Variants in SERTAD4 observed in about 807,000 individuals in gnomAD.
SERTAD4 encodes SERTA domain containing 4, also known as SERTA domain-containing protein 4.
In SERTAD4, 18 loss-of-function variants were observed where a neutral mutation model predicts 32.9. The ratio of observed to expected loss-of-function variants is 0.55; its 90% CI spans 0.38 to 0.81. The LOEUF is 0.81. SERTAD4 is among the 30% of genes least tolerant of loss of function. The probability of loss-of-function intolerance (pLI) is 0.00; values close to 1 mark genes in which losing one functional copy is unlikely to be tolerated. For synonymous variants in SERTAD4, 150 were observed against 156.4 expected (o/e 0.96, Z 0.30); for missense variants, 383 against 426.0 (o/e 0.90, Z 0.89).
rs1159047828 is a variant in SERTAD4 at position 210,241,755 on chromosome 1, G to A, written c.489G>A (p.Glu163=). The A allele has an allele frequency of 3.1e-6, 5 of 1,614,120 alleles. No homozygotes were observed. Among genetic ancestry groups the A allele is most frequent in the South Asian group, 2.2e-5 (2 of 91,068 alleles). ...CTTTCAATGGCACCTCTGCCCAAGA[G>A]TGGTTTATGGCTCAAGACTGCCCTT... is the stretch of plus-strand genomic sequence containing the variant. The part of the protein sequence containing the change: ...ACSFNGTSAQ[E]WFMAQDCPYR... Residue 163 remains glutamate (E), a synonymous_variant, in exon 4 of 4, where the codon GAG becomes GAA. Coordinates refer to ENST00000367012, the MANE Select transcript of SERTAD4 (RefSeq NM_019605.5).
intron 1 of SERTAD4, chr1:210,233,763 T>C (rs1350711551): frequency 4.2e-6 from 2 of 470,848 alleles, no homozygotes; most frequent in African/African-American, 4.0e-5. Context: ...AAGCAGGGAA[T>C]AGGCGTCCTC....
chr1:210,245,961 G>A lies in SERTAD4; in HGVS notation c.*3624G>A, dbSNP rs2084045281. Reference sequence around the variant, plus strand: ...GAGACTTTTTTGGAAATAATTAGTTGTGAAATTCCATTTTTCTGACAGCCC... The same window carrying A: ...GAGACTTTTTTGGAAATAATTAGTTATGAAATTCCATTTTTCTGACAGCCC... On this transcript the variant is annotated 3_prime_UTR_variant, in exon 4 of 4. Transcript: ENST00000367012. 5 of 982,394 alleles carry A rather than the reference G, an allele frequency of 5.1e-6. No homozygotes were observed. In the South Asian group the frequency reaches 1.9e-4, roughly 37 times the overall value. The allele number at this position is 982,394 out of a possible 1,614,324, so 60.9% of individuals were successfully genotyped here.
In SERTAD4 at chr1:210,243,061, T is replaced by A. The variant is rs965639093; in HGVS notation, c.*724T>A. ...TGCCAATGTGAAAATTAAGGATAAA[T>A]CAGAGTTACAGCAGGGATTTAACAA... On this transcript the variant is annotated 3_prime_UTR_variant, in exon 4 of 4. Transcript: ENST00000367012. 55 of 736,350 alleles carry A rather than the reference T, an allele frequency of 7.5e-5. No individual in the cohort carries two copies. In the African/African-American group the frequency reaches 1.4e-3, roughly 18 times the overall value. The allele number at this position is 736,350 out of a possible 1,614,324, so 45.6% of individuals were successfully genotyped here.
Position 210,241,869 on chromosome 1 carries a change from T to C in SERTAD4, c.603T>C (p.Asn201=). The C allele has an allele frequency of 6.2e-7, 1 of 1,614,172 alleles. No individual in the cohort carries two copies. Among genetic ancestry groups the C allele is most frequent in the South Asian group, 1.1e-5 (1 of 91,078 alleles). ...FYQECGGHYL[N]LPLSVNANVG... ...AAGAATGTGGTGGCCACTACCTAAATTTACCCCTTTCTGTCAATGCTAATG... is the reference window on the plus strand; with the variant it reads ...AAGAATGTGGTGGCCACTACCTAAACTTACCCCTTTCTGTCAATGCTAATG... Residue 201 remains asparagine, a synonymous_variant, in exon 4 of 4, where the codon AAT becomes AAC. Coordinates refer to ENST00000367012, the MANE Select transcript of SERTAD4 (RefSeq NM_019605.5).
chr1:210,234,207 T>C (rs866044448), intron 1 of SERTAD4, among the ~76,000 whole-genome samples: 10 of 151,818 alleles, frequency 6.6e-5, no homozygotes, highest in Non-Finnish European at 1.2e-4. Context: ...GGGGTGTGTC[T>C]GTGCGGGAGC....
In SERTAD4 at chr1:210,243,206, T is replaced by A. The variant is rs1385184124; in HGVS notation, c.*869T>A. On this transcript the variant is annotated 3_prime_UTR_variant, in exon 4 of 4. Transcript: ENST00000367012. ...CGACATCTCTATTCTTTATTTTTGA[T>A]GCCCAATTGCTTTTGGATTCGCCGT... 1 of 890,024 alleles carries A rather than the reference T, an allele frequency of 1.1e-6. No homozygotes were observed. The highest frequency in any genetic ancestry group is 1.2e-4 in the East Asian group (1 of 8,252). 55.1% of individuals were successfully genotyped at this position (890,024 alleles called of 1,614,324 possible).
In SERTAD4 at chr1:210,243,690, C is replaced by T. The variant is rs1430551894; in HGVS notation, c.*1353C>T. On this transcript the variant is annotated 3_prime_UTR_variant, in exon 4 of 4. Transcript: ENST00000367012. The stretch of plus-strand genomic sequence containing the variant: ...AGTGGCCCTCCTACCATCCTTCCTT[C>T]CACTCCAGCCAACTCTTCCTGCTAA... The T allele has an allele frequency of 2.0e-5, 3 of 152,292 alleles. No individual in the cohort carries two copies. Among genetic ancestry groups the T allele is most frequent in the South Asian group, 4.1e-4 (2 of 4,824 alleles). 9.4% of individuals were successfully genotyped at this position (152,292 alleles called of 1,614,324 possible).
intron 1 of SERTAD4, among the ~76,000 whole-genome samples, chr1:210,235,806 T>C (rs1340500395): frequency 2.0e-5 from 3 of 152,240 alleles, no homozygotes; most frequent in African/African-American, 4.8e-5. Context: ...TGTTTTTCTT[T>C]CTTAAGGGGC....
At chr1:210,239,060 G>A (rs961452781) in intron 2 of SERTAD4, among the ~76,000 whole-genome samples, 1 of 152,062 alleles carries the variant, frequency 6.6e-6, no homozygotes, top group Non-Finnish European at 1.5e-5. Context: ...CTAACCTAAA[G>A]CCAATAAGAT....
chr1:210,242,533 G>A lies in SERTAD4; in HGVS notation c.*196G>A. On this transcript the variant is annotated 3_prime_UTR_variant, in exon 4 of 4. Transcript: ENST00000367012. This position sits in a 1 kb window ranked among gnomAD's most constrained non-coding sequence, Gnocchi z 4.0. ...CATCAGCGAGCTTCTTATAAATGTG[G>A]TGATTTTTACCAAGGAAACGATTGA... is the stretch of plus-strand genomic sequence containing the variant. The A allele has an allele frequency of 7.6e-7, 1 of 1,322,438 alleles. No individual in the cohort carries two copies. The highest frequency in any genetic ancestry group is 9.6e-7 in the Non-Finnish European group (1 of 1,043,442). The allele number at this position is 1,322,438 out of a possible 1,614,324, so 81.9% of individuals were successfully genotyped here. A position where few individuals can be genotyped will look rare whatever the true frequency, so the allele number is the denominator to read the frequency against.
rs57426441 is a variant in SERTAD4 at position 210,243,093 on chromosome 1, C to CAAAAA, written c.*774_*778dup. On this transcript the variant is annotated 3_prime_UTR_variant, in exon 4 of 4. Coordinates refer to ENST00000367012, the MANE Select transcript of SERTAD4 (RefSeq NM_019605.5). ...TACAGCAGGGATTTAACAAACAGGA[C>CAAAAA]AAAAAAAAAAAAAAAAAAAAAACCA... 1,862 of 478,642 alleles carry CAAAAA rather than the reference C, an allele frequency of 3.9e-3. 1 individual carries two copies. The highest frequency in any genetic ancestry group is 4.3e-3 in the Middle Eastern group (4 of 938). The allele number at this position is 478,642 out of a possible 1,614,324, so 29.6% of individuals were successfully genotyped here. A position where few individuals can be genotyped will look rare whatever the true frequency, so the allele number is the denominator to read the frequency against.
At position 210,243,027 on chromosome 1, in the gene SERTAD4, C is replaced by T; in HGVS notation, c.*690C>T. On this transcript the variant is annotated 3_prime_UTR_variant, in exon 4 of 4. Transcript: ENST00000367012. ...GCGATTTTTGGTGCCTTACTTTTAT[C>T]TTAATTTTTGCCAATGTGAAAATTA... 1.0e-6 allele frequency: 1 copy of T among 958,014 alleles called. No individual in the cohort carries two copies. The highest frequency in any genetic ancestry group is 1.2e-6 in the Non-Finnish European group (1 of 824,514). The allele number at this position is 958,014 out of a possible 1,614,324, so 59.3% of individuals were successfully genotyped here. A position where few individuals can be genotyped will look rare whatever the true frequency, so the allele number is the denominator to read the frequency against.
rs2084043523 is a variant in SERTAD4, at chr1:210,245,810, G to A, written c.*3473G>A. On this transcript the variant is annotated 3_prime_UTR_variant, in exon 4 of 4. Coordinates refer to ENST00000367012, the MANE Select transcript of SERTAD4 (RefSeq NM_019605.5). Reference sequence around the variant, plus strand: ...CTTTCTGTGTATCAGGAGCAGAGCAGAGGACAACTTGTAGAAGACATGACC... The same window carrying A: ...CTTTCTGTGTATCAGGAGCAGAGCAAAGGACAACTTGTAGAAGACATGACC... The A allele has an allele frequency of 1.0e-6, 1 of 985,254 alleles. No individual in the cohort carries two copies. The highest frequency in any genetic ancestry group is 1.7e-5 in the African/African-American group (1 of 57,222). The allele number at this position is 985,254 out of a possible 1,614,324, so 61.0% of individuals were successfully genotyped here.
At position 210,243,229 on chromosome 1, in the gene SERTAD4, C is replaced by G; in HGVS notation, c.*892C>G. On this transcript the variant is annotated 3_prime_UTR_variant, in exon 4 of 4. Coordinates refer to ENST00000367012, the MANE Select transcript of SERTAD4 (RefSeq NM_019605.5). ...GATGCCCAATTGCTTTTGGATTCGC[C>G]GTTTTTTCAATAGGGATGGAGGAAA... 2.7e-6 allele frequency: 2 copies of G among 746,680 alleles called. No individual in the cohort carries two copies. Among genetic ancestry groups the G allele is most frequent in the Non-Finnish European group, 3.3e-6 (2 of 613,582 alleles). The allele number at this position is 746,680 out of a possible 1,614,324, so 46.3% of individuals were successfully genotyped here.
Position 210,242,214 on chromosome 1 carries a change from T to G in SERTAD4, c.948T>G (p.Asp316Glu). The change falls in exon 4 of 4, where the codon GAT (aspartate) becomes GAG (glutamate). Residue 316 changes from aspartate (D) to glutamate (E), a missense_variant. Physicochemically the swap from Asp to Glu is conservative, Grantham distance 45. This residue lies in a region of SERTAD4 where 180 missense variants were observed against 190.6 expected (regional missense o/e 0.94). Transcript: ENST00000367012. The surrounding 1 kb of genome is among the most constrained non-coding windows in gnomAD (Gnocchi z 4.0). ...LAFECKGQFY[D>E]YFETGYNERN... The stretch of plus-strand genomic sequence containing the variant: ...TTGAGTGCAAAGGCCAATTTTATGA[T>G]TATTTTGAGACCGGATATAATGAAA... The G allele has an allele frequency of 2.5e-6, 4 of 1,614,136 alleles. No individual in the cohort carries two copies. The highest frequency in any genetic ancestry group is 3.4e-6 in the Non-Finnish European group (4 of 1,180,034).
At chr1:210,233,390 G>A (rs1216961737) in intron 1 of SERTAD4, among the ~76,000 whole-genome samples, 2 of 152,158 alleles carry the variant, frequency 1.3e-5, no homozygotes, top group Non-Finnish European at 2.9e-5. Context: ...GGTCCTCCGT[G>A]GCCGCTTAGT....
chr1:210,238,591 G>C (rs1188629731), intron 2 of SERTAD4, among the ~76,000 whole-genome samples: 1 of 152,272 alleles, frequency 6.6e-6, no homozygotes, highest in East Asian at 1.9e-4. Flanking sequence ...TATGCCCAGT[G>C]TTCCATTATT....
rs2084009670 is a variant in SERTAD4, at chr1:210,242,551, A to G, written c.*214A>G. The G allele has an allele frequency of 7.6e-7, 1 of 1,314,876 alleles. No individual in the cohort carries two copies. The highest frequency in any genetic ancestry group is 9.6e-7 in the Non-Finnish European group (1 of 1,039,068). 81.5% of individuals were successfully genotyped at this position (1,314,876 alleles called of 1,614,324 possible). A position where few individuals can be genotyped will look rare whatever the true frequency, so the allele number is the denominator to read the frequency against. On this transcript the variant is annotated 3_prime_UTR_variant, in exon 4 of 4. Coordinates refer to ENST00000367012, the MANE Select transcript of SERTAD4 (RefSeq NM_019605.5). The surrounding 1 kb of genome is among the most constrained non-coding windows in gnomAD (Gnocchi z 4.0). ...AAATGTGGTGATTTTTACCAAGGAA[A>G]CGATTGACTTAATGCTTAAAAGTAT...
chr1:210,240,051 G>A (rs2083979846), intron 3 of SERTAD4, among the ~76,000 whole-genome samples: 1 of 152,080 alleles, frequency 6.6e-6, no homozygotes, highest in Non-Finnish European at 1.5e-5. Flanking sequence ...CTTATGGGTA[G>A]ACTCATCATC....
Sources: gnomAD v4.1 joint callset for allele counts (sites outside exome capture counted in the v4.1 genomes callset) on GRCh38, gnomAD v4.1.1 for gene constraint, gnomAD v4.1.1 regional missense constraint, Gnocchi (gnomAD v3.1) non-coding constraint, MANE v1.5 for transcripts, NCBI Gene and HGNC (gene_info 2026-07-23, HGNC 2026-07-21) for gene names.